Variants in ZNF804B observed in about 807,000 individuals in gnomAD.
ZNF804B encodes zinc finger protein 804B, also known as zinc finger 804B.
In ZNF804B, 80 loss-of-function variants were observed where a neutral mutation model predicts 101.4. The ratio of observed to expected loss-of-function variants is 0.79; its 90% CI spans 0.66 to 0.95. The LOEUF (loss-of-function observed/expected upper bound fraction) is 0.95. ZNF804B is among the 40% of genes least tolerant of loss of function. The probability of loss-of-function intolerance (pLI) is 0.00; values close to 1 mark genes in which losing one functional copy is unlikely to be tolerated. For missense variants in ZNF804B, 1,673 were observed against 1,561.9 expected (o/e 1.07, Z -1.20); for synonymous variants, 622 against 558.8 (o/e 1.11, Z -1.59).
chr7:88,895,044 A>C (rs1243378310), intron 1 of ZNF804B, among the ~76,000 whole-genome samples: 1 of 152,184 alleles, frequency 6.6e-6, no homozygotes, highest in Non-Finnish European at 1.5e-5. Flanking sequence ...AAACTATTAA[A>C]ATGTATAAAA....
intron 2 of ZNF804B, among the ~76,000 whole-genome samples, chr7:89,230,398 A>C (rs1461687322): frequency 5.3e-5 from 8 of 152,102 alleles, no homozygotes; most frequent in Non-Finnish European, 1.0e-4. Context: ...CTTTGATGAA[A>C]TGTTAATTTC....
At chr7:88,865,638 C>G (rs1042890539) in intron 1 of ZNF804B, among the ~76,000 whole-genome samples, 1 of 152,194 alleles carries the variant, frequency 6.6e-6, no homozygotes, top group Non-Finnish European at 1.5e-5. Flanking sequence ...AGTTCCCTCT[C>G]TCCTTTCTAC....
At chr7:88,994,933 G>A (rs868405620) in intron 1 of ZNF804B, among the ~76,000 whole-genome samples, 9 of 152,014 alleles carry the variant, frequency 5.9e-5, no homozygotes, top group Non-Finnish European at 7.4e-5. Flanking sequence ...ACCAGCTTCC[G>A]GAATTGGAGT....
intron 1 of ZNF804B, among the ~76,000 whole-genome samples, chr7:88,926,895 TA>T (rs1417604675): frequency 7.1e-6 from 1 of 141,702 alleles, no homozygotes; most frequent in Non-Finnish European, 1.5e-5. Context: ...TTTCTCATTT[TA>T]AAATAAATTA....
At chr7:88,973,353 A>T (rs1584047672) in intron 1 of ZNF804B, among the ~76,000 whole-genome samples, 4 of 151,520 alleles carry the variant, frequency 2.6e-5, no homozygotes, top group Non-Finnish European at 1.5e-5. Flanking sequence ...AATAATAGGT[A>T]CCAAAAGCCA....
chr7:88,938,148 A>G (rs754634342), intron 1 of ZNF804B, among the ~76,000 whole-genome samples: 1 of 152,066 alleles, frequency 6.6e-6, no homozygotes, highest in Admixed American at 6.6e-5. Context: ...CTATAGGTGA[A>G]TTTAAACATT....
At chr7:89,140,507 CAAT>C (rs1042996958) in intron 1 of ZNF804B, among the ~76,000 whole-genome samples, 14 of 152,076 alleles carry the variant, frequency 9.2e-5, no homozygotes, top group African/African-American at 3.4e-4. Flanking sequence ...TGTAGTCTAT[CAAT>C]GATCTTAACT....
chr7:88,815,616 C>G (rs7793207), intron 1 of ZNF804B, among the ~76,000 whole-genome samples: 66,039 of 151,698 alleles, frequency 0.44, 15,231 homozygotes, highest in East Asian at 0.82. Context: ...GCTCCTCCTT[C>G]CCAATGTCCT....
At chr7:89,025,745 A>G (rs996356280) in intron 1 of ZNF804B, among the ~76,000 whole-genome samples, 8 of 152,122 alleles carry the variant, frequency 5.3e-5, no homozygotes, top group African/African-American at 1.9e-4. Context: ...ATTTGAATCC[A>G]TCATACTATT....
intron 1 of ZNF804B, among the ~76,000 whole-genome samples, chr7:88,811,926 C>G (rs1161906587): frequency 6.6e-6 from 1 of 152,098 alleles, no homozygotes; most frequent in African/African-American, 2.4e-5. Context: ...ACACATTTAT[C>G]TCTGTAACAA....
intron 1 of ZNF804B, among the ~76,000 whole-genome samples, chr7:88,987,082 C>T (rs1406006812): frequency 6.6e-6 from 1 of 152,064 alleles, no homozygotes; most frequent in Non-Finnish European, 1.5e-5. Flanking sequence ...AGGATGGCTA[C>T]TTACTTGTCC....
At chr7:89,006,788 C>T (rs1788373929) in intron 1 of ZNF804B, among the ~76,000 whole-genome samples, 1 of 152,160 alleles carries the variant, frequency 6.6e-6, no homozygotes. Flanking sequence ...ATTCAACTCA[C>T]CTGAGCTCCT....
rs62469517 is a variant in ZNF804B at position 89,332,525 on chromosome 7, G to A, written c.381-838G>A. On this transcript the variant is annotated intron_variant, in intron 3 of 3. Transcript: ENST00000333190. ...TTTGTATTGTCTTCTTTCCAGTGAA[G>A]CCTTCTTTTATAGTAGAGGGTATAT... Among the ~76,000 whole-genome samples the A allele has an allele frequency of 2.0e-3, 299 of 151,854 alleles. 1 individual carries two copies. The highest frequency in any genetic ancestry group is 3.7e-3 in the Non-Finnish European group (252 of 67,794).
chr7:88,873,188 T>A (rs1791866567), intron 1 of ZNF804B, among the ~76,000 whole-genome samples: 1 of 152,190 alleles, frequency 6.6e-6, no homozygotes, highest in Admixed American at 6.5e-5. Flanking sequence ...GGTATCTCAT[T>A]GTGGTTTTGA....
intron 2 of ZNF804B, among the ~76,000 whole-genome samples, chr7:89,237,998 A>T (rs1381047597): frequency 6.6e-6 from 1 of 152,174 alleles, no homozygotes; most frequent in African/African-American, 2.4e-5. Context: ...AATACTAGAG[A>T]TCTGAGCATA....
chr7:89,334,552 C>T lies in ZNF804B; in HGVS notation c.1570C>T (p.Gln524Ter). Residue 524 changes from glutamine to a stop codon, truncating the protein, a stop_gained, in exon 4 of 4, where the codon CAA becomes TAA. Coordinates refer to ENST00000333190, the MANE Select transcript of ZNF804B (RefSeq NM_181646.5). LOFTEE classifies it high-confidence loss of function. ...SQVSGLTEDQ[Q>*]KLIQEDYQYP... ...AGTCTCAGGTTTAACTGAAGACCAA[C>T]AAAAATTGATCCAAGAAGATTATCA... The T allele has an allele frequency of 6.2e-7, 1 of 1,613,490 alleles. No individual in the cohort carries two copies. The highest frequency in any genetic ancestry group is 8.5e-7 in the Non-Finnish European group (1 of 1,179,776).
chr7:89,202,884 C>T (rs562356645), intron 1 of ZNF804B, among the ~76,000 whole-genome samples: 2 of 152,046 alleles, frequency 1.3e-5, no homozygotes, highest in Non-Finnish European at 2.9e-5. Flanking sequence ...TTCTATTTTA[C>T]TTTTTTACAA....
At chr7:88,907,913 A>G (rs1223782597) in intron 1 of ZNF804B, among the ~76,000 whole-genome samples, 1 of 151,964 alleles carries the variant, frequency 6.6e-6, no homozygotes, top group Non-Finnish European at 1.5e-5. Context: ...TTAATTTTTT[A>G]AAACTGTATT....
At chr7:89,115,089 A>C (rs1206943912) in intron 1 of ZNF804B, among the ~76,000 whole-genome samples, 1 of 152,186 alleles carries the variant, frequency 6.6e-6, no homozygotes, top group African/African-American at 2.4e-5. Flanking sequence ...TAACTCCCTT[A>C]AAATGCATAA....
Sources: gnomAD v4.1 joint callset for allele counts (sites outside exome capture counted in the v4.1 genomes callset) on GRCh38, gnomAD v4.1.1 for gene constraint, MANE v1.5 for transcripts, NCBI Gene and HGNC (gene_info 2026-07-23, HGNC 2026-07-21) for gene names.